Variants in MST1R observed in about 807,000 individuals in gnomAD.
MST1R encodes macrophage-stimulating protein receptor.
Under a neutral mutation model 117.8 loss-of-function variants are expected in MST1R, and 99 were observed. The observed-to-expected ratio is 0.84, with a 90% CI of 0.71 to 0.99. The LOEUF (loss-of-function observed/expected upper bound fraction) is 0.99. Among genes scored for constraint, MST1R ranks in the 50% least tolerant of loss-of-function variants. MST1R has a pLI of 0.00. For synonymous variants in MST1R, 734 were observed against 765.3 expected, an observed-to-expected ratio of 0.96 and a Z score of 0.68; for missense variants, 1,683 against 1,840.2, an observed-to-expected ratio of 0.91 and a Z score of 1.56.
At chr3:49,888,389 T>C (rs1403990824) in intron 19 of MST1R, among the ~76,000 whole-genome samples, 3 of 149,008 alleles carry the variant, frequency 2.0e-5, no homozygotes, top group Non-Finnish European at 3.0e-5. Context: ...TGAGCCGAGA[T>C]TGCACCACTG....
rs750752822 is a variant in MST1R, at chr3:49,895,837, C to G, written c.2840G>C (p.Arg947Pro). 9 of 1,613,364 alleles carry G rather than the reference C, an allele frequency of 5.6e-6. No individual in the cohort carries two copies. The highest frequency in any genetic ancestry group is 3.3e-5 in the Admixed American group (2 of 59,940). The change falls in exon 12 of 20, where the codon CGG (arginine) becomes CCG (proline). Residue 947 changes from arginine to proline, a missense_variant. Coordinates refer to ENST00000296474, the MANE Select transcript of MST1R (RefSeq NM_002447.4). ...GECHILGRVV[R>P]PGPDGVPQST... ...CTGTGGGACCCCATCTGGCCCTGGCCGCACCACTCTACCCAGGATATGACA... is the reference window on the plus strand; with the variant it reads ...CTGTGGGACCCCATCTGGCCCTGGCGGCACCACTCTACCCAGGATATGACA...
intron 14 of MST1R, among the ~76,000 whole-genome samples, chr3:49,893,021 G>C (rs2082358474): frequency 1.3e-5 from 2 of 151,978 alleles, no homozygotes; most frequent in Non-Finnish European, 2.9e-5. Flanking sequence ...GCTCACGCCT[G>C]TAATCCCAGC....
Position 49,890,523 on chromosome 3 carries a change from T to C in MST1R, c.3772A>G (p.Ser1258Gly), listed in dbSNP as rs778949184. 1 of 1,613,992 alleles carries C rather than the reference T, an allele frequency of 6.2e-7. No homozygotes were observed. The highest frequency in any genetic ancestry group is 1.1e-5 in the South Asian group (1 of 91,068). The change falls in exon 18 of 20, where the codon AGC becomes GGC. Residue 1258 changes from serine (S) to glycine (G), a missense_variant. By Grantham distance (56) the Ser-to-Gly change is moderately conservative. Coordinates refer to ENST00000296474, the MANE Select transcript of MST1R (RefSeq NM_002447.4). The part of the protein sequence containing the change: ...RLPVKWMALE[S>G]LQTYRFTTKS... ...GTGGTAAATCTATAGGTCTGCAGGC[T>C]CTCCAGCGCCATCCACTTCACAGGT...
At chr3:49,895,926 C>T (rs763376805) in intron 11 of MST1R, 35 bp downstream of exon 11, 16 of 1,570,708 alleles carry the variant, frequency 1.0e-5, no homozygotes, top group East Asian at 2.2e-5. Flanking sequence ...GCCCTCTGCC[C>T]GTGTTTCCCA....
chr3:49,899,309 C>G (rs1002443014), intron 1 of MST1R, 46 bp from the exon 2 acceptor site: 2 of 1,603,152 alleles, frequency 1.2e-6, no homozygotes, highest in South Asian at 1.1e-5. Flanking sequence ...CAGCCTTGTG[C>G]CCCGACCCTC....
chr3:49,896,971 T>C, intron 7 of MST1R, 81 bp from the exon 8 acceptor site: 2 of 1,417,974 alleles, frequency 1.4e-6, no homozygotes. Context: ...TGTTGACCTC[T>C]CCCAGTTCGT....
intron 19 of MST1R, among the ~76,000 whole-genome samples, chr3:49,888,313 G>A (rs1200513454): frequency 2.0e-5 from 3 of 152,052 alleles, no homozygotes; most frequent in Non-Finnish European, 4.4e-5. Context: ...GCAGGCGCCT[G>A]TAGTCCCAGC....
chr3:49,890,191 C>A (rs2082272183), intron 18 of MST1R, 131 bp from the exon 19 acceptor site: 1 of 1,149,178 alleles, frequency 8.7e-7, no homozygotes, highest in Non-Finnish European at 1.2e-6. Context: ...AGAGCTCATT[C>A]CTCAATACAT....
chr3:49,895,238 A>G lies in MST1R; in HGVS notation c.3200T>C (p.Leu1067Ser). Residue 1067 changes from leucine to serine, a missense_variant, in exon 14 of 20, where the codon TTG (leucine) becomes TCG (serine). By Grantham distance (145) the Leu-to-Ser change is moderately radical. Transcript: ENST00000296474. ...AATCAGCACATCCTTGACCTCAGCC[A>G]AGAGCGCAGAGTCCAGGTCCCTTAG... Reference protein sequence around the residue: ...IQLRDLDSALLAEVKDVLIPH... With the variant: ...IQLRDLDSALSAEVKDVLIPH... 1.9e-6 allele frequency: 3 copies of G among 1,614,226 alleles called. No individual in the cohort carries two copies. Among genetic ancestry groups the G allele is most frequent in the Non-Finnish European group, 1.7e-6 (2 of 1,180,042 alleles).
Position 49,903,134 on chromosome 3 carries a change from G to C in MST1R, c.476C>G (p.Ala159Gly), listed in dbSNP as rs747036471. 1.2e-6 allele frequency: 2 copies of C among 1,603,856 alleles called. No individual in the cohort carries two copies. Among genetic ancestry groups the C allele is most frequent in the Non-Finnish European group, 1.7e-6 (2 of 1,179,990 alleles). The change falls in exon 1 of 20, where the codon GCG (alanine) becomes GGG (glycine). Residue 159 changes from alanine (A) to glycine (G), a missense_variant. Physicochemically the swap from Ala to Gly is moderately conservative, Grantham distance 60. Coordinates refer to ENST00000296474, the MANE Select transcript of MST1R (RefSeq NM_002447.4). ...GTGGGCTGAGAAGAGGCAGGCTGGC[G>C]CTGCCAGATGCACGGCTGTCCCTTG... ...EPQGTAVHLA[A>G]PACLFSAHHN...
intron 14 of MST1R, 105 bp downstream of exon 14, chr3:49,895,062 C>T (rs1443550815): frequency 3.6e-5 from 44 of 1,207,274 alleles, no homozygotes; most frequent in Non-Finnish European, 4.9e-5. Flanking sequence ...CTGCCCGCCT[C>T]GGCCTCCCAA....
chr3:49,892,483 TG>T (rs1215069679), intron 14 of MST1R, among the ~76,000 whole-genome samples: 1 of 149,000 alleles, frequency 6.7e-6, no homozygotes, highest in Non-Finnish European at 1.5e-5. Context: ...GCCAAGATCG[TG>T]TCACTGCACT....
chr3:49,887,313 G>A lies in MST1R; in HGVS notation c.4197C>T (p.Pro1399=), dbSNP rs763485181. 7.4e-6 allele frequency: 12 copies of A among 1,614,088 alleles called. No homozygotes were observed. Among genetic ancestry groups the A allele is most frequent in the Non-Finnish European group, 8.5e-6 (10 of 1,180,026 alleles). Residue 1399 remains proline, a synonymous_variant, in exon 20 of 20, where the codon CCC becomes CCT. Transcript: ENST00000296474. ...GTCCAGCCCAAGAACTAAGTCAAGT[G>A]GGCCGAGGAGGCTCTGAGAGTGGCC... is the stretch of plus-strand genomic sequence containing the variant. ...RPRPLSEPPR[P]T is the part of the protein sequence containing the mutation.
chr3:49,894,373 G>A (rs2082405022), intron 14 of MST1R, among the ~76,000 whole-genome samples: 1 of 152,052 alleles, frequency 6.6e-6, no homozygotes, highest in African/African-American at 2.4e-5. Context: ...GGCCAGCCTG[G>A]ACAACATGAT....
intron 18 of MST1R, 38 bp from the exon 19 acceptor site, chr3:49,890,098 C>G: frequency 6.5e-7 from 1 of 1,548,570 alleles, no homozygotes; most frequent in South Asian, 1.3e-5. Flanking sequence ...CAACTCACCC[C>G]AAATTTGGGG....
Position 49,903,397 on chromosome 3 carries a change from A to G in MST1R, c.213T>C (p.Phe71=). 6.2e-7 allele frequency: 1 copy of G among 1,614,030 alleles called. No individual in the cohort carries two copies. The highest frequency in any genetic ancestry group is 8.5e-7 in the Non-Finnish European group (1 of 1,180,024). Residue 71 remains phenylalanine, a synonymous_variant, in exon 1 of 20, where the codon TTT becomes TTC. Coordinates refer to ENST00000296474, the MANE Select transcript of MST1R (RefSeq NM_002447.4). ...CATGCAGGCGATTGCGTATGGCTAC[A>G]AACACAGCACTCTCATTTCTGTCGC... The part of the protein sequence containing the change: ...YEGDRNESAV[F]VAIRNRLHVL...
In MST1R at chr3:49,902,829, A is replaced by C; in HGVS notation, c.781T>G (p.Phe261Val). 1.2e-6 allele frequency: 2 copies of C among 1,613,760 alleles called. No individual in the cohort carries two copies. The highest frequency in any genetic ancestry group is 1.7e-6 in the Non-Finnish European group (2 of 1,180,044). The change falls in exon 1 of 20, where the codon TTC (phenylalanine) becomes GTC (valine). Residue 261 changes from phenylalanine to valine, a missense_variant. Coordinates refer to ENST00000296474, the MANE Select transcript of MST1R (RefSeq NM_002447.4). ...HSFHTGAFVY[F>V]LTVQPASVTD... ...ACGCTGGCCGGCTGTACAGTCAGGA[A>C]GTATACGAAGGCTCCCGTGTGGAAG...
At chr3:49,891,635 A>G (rs777865324) in intron 15 of MST1R, 55 bp from the exon 16 acceptor site, 3 of 1,610,518 alleles carry the variant, frequency 1.9e-6, no homozygotes, top group Non-Finnish European at 2.5e-6. Context: ...TAAGGCTCAG[A>G]TGGGGAAATG....
rs1047641544 is a variant in MST1R at position 49,902,886 on chromosome 3, G to A, written c.724C>T (p.Leu242Phe). Residue 242 changes from leucine to phenylalanine, a missense_variant, in exon 1 of 20, where the codon CTT (leucine) becomes TTT (phenylalanine). Transcript: ENST00000296474. ...ACGTATTCAATACTGTAGGAGACAAGATGCTTGGGCAGCACTGACAACGCC... is the reference window on the plus strand; with the variant it reads ...ACGTATTCAATACTGTAGGAGACAAAATGCTTGGGCAGCACTGACAACGCC... ...FVALSVLPKH[L>F]VSYSIEYVHS... 2 of 1,613,434 alleles carry A rather than the reference G, an allele frequency of 1.2e-6. No homozygotes were observed. Among genetic ancestry groups the A allele is most frequent in the African/African-American group, 1.3e-5 (1 of 74,950 alleles).
Sources: allele counts gnomAD v4.1 joint callset (sites outside exome capture counted in the v4.1 genomes callset), GRCh38; gene constraint gnomAD v4.1.1; transcripts MANE v1.5; gene names NCBI Gene and HGNC (gene_info 2026-07-23, HGNC 2026-07-21).